Variants in CELA2B observed in about 807,000 individuals in gnomAD.
The protein encoded by CELA2B is chymotrypsin-like elastase family member 2B.
CELA2B carries 27 observed loss-of-function variants against 36.5 expected under a neutral mutation model. That is an observed-to-expected ratio of 0.74 (90% CI 0.55 to 1.02). The LOEUF is 1.02. Among genes scored for constraint, CELA2B ranks in the 50% least tolerant of loss-of-function variants. CELA2B has a pLI of 0.00. For missense variants in CELA2B, 340 were observed against 347.8 expected, an observed-to-expected ratio of 0.98 and a Z score of 0.18; for synonymous variants, 143 against 148.5, an observed-to-expected ratio of 0.96 and a Z score of 0.27.
rs1236313230 is a variant in CELA2B at position 15,481,114 on chromosome 1, G to C, written c.146G>C (p.Ser49Thr). Residue 49 changes from serine (S) to threonine (T), a missense_variant, in exon 3 of 8, where the codon AGC becomes ACC. Coordinates refer to ENST00000375910, the MANE Select transcript of CELA2B (RefSeq NM_015849.3). ...TCTCCCCAGGTCTCCCTGCAGTACAGCTCCAATGGCCAGTGGTACCACACC... is the reference window on the plus strand; with the variant it reads ...TCTCCCCAGGTCTCCCTGCAGTACACCTCCAATGGCCAGTGGTACCACACC... ...SWPWQVSLQY[S>T]SNGQWYHTCG... 5.0e-6 allele frequency: 8 copies of C among 1,612,758 alleles called. No individual in the cohort carries two copies. The highest frequency in any genetic ancestry group is 6.8e-6 in the Non-Finnish European group (8 of 1,180,012).
intron 7 of CELA2B, among the ~76,000 whole-genome samples, chr1:15,488,146 G>C (rs1317120500): frequency 1.3e-5 from 2 of 152,184 alleles, no homozygotes; most frequent in African/African-American, 4.8e-5. Context: ...CAGCACTTTG[G>C]GAGGCCAAGG....
At chr1:15,478,469 C>T (rs551334179) in intron 2 of CELA2B, among the ~76,000 whole-genome samples, 38 of 151,992 alleles carry the variant, frequency 2.5e-4, no homozygotes, top group African/African-American at 8.2e-4. Context: ...TCTCTAACTC[C>T]CGACCTCAGG....
intron 7 of CELA2B, 54 bp from the exon 8 acceptor site, chr1:15,491,241 C>CACAG: frequency 6.2e-7 from 1 of 1,612,436 alleles, no homozygotes; most frequent in Non-Finnish European, 8.5e-7. Context: ...AACTGCCACG[C>CACAG]ACAGCTCTGT....
In CELA2B at chr1:15,482,290, C is replaced by A. The variant is rs781312258; in HGVS notation, c.253C>A (p.Leu85Met). 1 of 1,614,038 alleles carries A rather than the reference C, an allele frequency of 6.2e-7. No individual in the cohort carries two copies. The highest frequency in any genetic ancestry group is 8.5e-7 in the Non-Finnish European group (1 of 1,179,940). ...ISSSGIYRVM[L>M]GQHNLYVAES... is the part of the protein sequence containing the mutation. ...CTCCTCCGGGATCTACCGCGTGATGCTGGGCCAGCATAACCTCTACGTTGC... is the reference window on the plus strand; with the variant it reads ...CTCCTCCGGGATCTACCGCGTGATGATGGGCCAGCATAACCTCTACGTTGC... The change falls in exon 4 of 8, where the codon CTG becomes ATG. Residue 85 changes from leucine (L) to methionine (M), a missense_variant. Leu to Met is a conservative substitution (Grantham distance 15). Coordinates refer to ENST00000375910, the MANE Select transcript of CELA2B (RefSeq NM_015849.3).
Position 15,476,109 on chromosome 1 carries a change from A to T in CELA2B, c.-17A>T, listed in dbSNP as rs1172444574. The T allele has an allele frequency of 6.2e-7, 1 of 1,612,032 alleles. No homozygotes were observed. Among genetic ancestry groups the T allele is most frequent in the East Asian group, 2.2e-5 (1 of 44,832 alleles). ...CCTTATCCAGGGCCACGCTTACAGAACTCCCACGGACACACCATGATTAGG... is the reference window on the plus strand; with the variant it reads ...CCTTATCCAGGGCCACGCTTACAGATCTCCCACGGACACACCATGATTAGG... On this transcript the variant is annotated 5_prime_UTR_variant, in exon 1 of 8. Coordinates refer to ENST00000375910, the MANE Select transcript of CELA2B (RefSeq NM_015849.3).
In CELA2B at chr1:15,491,346, G is replaced by A. The variant is rs754720464; in HGVS notation, c.*34G>A. On this transcript the variant is annotated 3_prime_UTR_variant, in exon 8 of 8. Coordinates refer to ENST00000375910, the MANE Select transcript of CELA2B (RefSeq NM_015849.3). ...AGTCCCTGGGACTGTTTCAGACTTG[G>A]AAAGGTCACAGAAGGAAAATAATAT... 1.9e-6 allele frequency: 3 copies of A among 1,613,536 alleles called. No individual in the cohort carries two copies. The highest frequency in any genetic ancestry group is 2.2e-5 in the South Asian group (2 of 91,086).
chr1:15,481,610 T>C (rs776249814), intron 3 of CELA2B: 13 of 479,646 alleles, frequency 2.7e-5, no homozygotes, highest in South Asian at 1.5e-4. Context: ...CTGGCACTTA[T>C]TAAGTGCTCA....
rs774035469 is a variant in CELA2B at position 15,482,313 on chromosome 1, T to C, written c.276T>C (p.Val92=). The change falls in exon 4 of 8, where the codon GTT becomes GTC. Residue 92 remains valine (V), a synonymous_variant. Coordinates refer to ENST00000375910, the MANE Select transcript of CELA2B (RefSeq NM_015849.3). ...RVMLGQHNLY[V]AESGSLAVSV... ...TGCTGGGCCAGCATAACCTCTACGT[T>C]GCAGAGTCCGGCTCGCTGGCCGTCA... 8.1e-6 allele frequency: 13 copies of C among 1,614,124 alleles called. No homozygotes were observed. The South Asian group carries it at 1.1e-4, about 14-fold the overall frequency.
chr1:15,476,262 A>C (rs2103310109), intron 1 of CELA2B, 97 bp downstream of exon 1: 1 of 1,544,318 alleles, frequency 6.5e-7, no homozygotes, highest in East Asian at 2.2e-5. Flanking sequence ...CCCAACCCCT[A>C]CTGCATTCAG....
intron 2 of CELA2B, among the ~76,000 whole-genome samples, chr1:15,478,647 C>T (rs1232974456): frequency 6.6e-6 from 1 of 151,010 alleles, no homozygotes; most frequent in Admixed American, 6.6e-5. Context: ...CTAACTGCAA[C>T]CTCAGCCTTT....
At position 15,483,429 on chromosome 1, in the gene CELA2B, T is replaced by C. The variant is rs571165671; in HGVS notation, c.493+29T>C. ...AGTGGGAGCCAGGAGCCCCCAGGCC[T>C]GGGAGGGAAGGGAGGTGATGTCACC... is the stretch of plus-strand genomic sequence containing the variant. On this transcript the variant is annotated intron_variant, in intron 5 of 7. Transcript: ENST00000375910. 9 of 1,613,212 alleles carry C rather than the reference T, an allele frequency of 5.6e-6. No individual in the cohort carries two copies. The African/African-American group carries it at 6.7e-5, about 12-fold the overall frequency.
intron 2 of CELA2B, among the ~76,000 whole-genome samples, chr1:15,477,498 C>T (rs553636942): frequency 2.6e-5 from 4 of 152,250 alleles, no homozygotes; most frequent in African/African-American, 9.6e-5. Context: ...ATGCTGTAAA[C>T]ATTTTATTTT....
In CELA2B at chr1:15,476,622, C is replaced by T. The variant is rs548200314; in HGVS notation, c.129+77C>T. 891 of 1,381,920 alleles carry T rather than the reference C, an allele frequency of 6.4e-4. No individual in the cohort carries two copies. Among genetic ancestry groups the T allele is most frequent in the Non-Finnish European group, 8.7e-4 (850 of 971,678 alleles). 85.6% of individuals were successfully genotyped at this position (1,381,920 alleles called of 1,614,324 possible). A position where few individuals can be genotyped will look rare whatever the true frequency, so the allele number is the denominator to read the frequency against. ...TCCCCCCTTTGCCCTTCCACCATGG[C>T]GTCTATTGTGCTGGCAAAGTTAGGA... On this transcript the variant is annotated intron_variant, in intron 2 of 7. Transcript: ENST00000375910.
intron 3 of CELA2B, 134 bp downstream of exon 3, chr1:15,481,329 T>C: frequency 9.4e-7 from 1 of 1,067,606 alleles, no homozygotes; most frequent in Non-Finnish European, 1.4e-6. Context: ...AGACACAAGC[T>C]GTAGTCAATC....
At chr1:15,479,686 C>T (rs1708717605) in intron 2 of CELA2B, among the ~76,000 whole-genome samples, 2 of 152,198 alleles carry the variant, frequency 1.3e-5, no homozygotes, top group African/African-American at 4.8e-5. Context: ...TGCATATGTA[C>T]ATGAGCGTGC....
chr1:15,477,178 C>T (rs72643677), intron 2 of CELA2B, among the ~76,000 whole-genome samples: 8,813 of 152,230 alleles, frequency 0.058, 489 homozygotes, highest in African/African-American at 0.14. Context: ...TTCAAGACTA[C>T]CTATGCAAAT....
intron 7 of CELA2B, among the ~76,000 whole-genome samples, chr1:15,488,693 G>A (rs1708835282): frequency 6.6e-6 from 1 of 152,222 alleles, no homozygotes; most frequent in African/African-American, 2.4e-5. Context: ...GGGGAAAGCT[G>A]ACATCTGACT....
intron 7 of CELA2B, among the ~76,000 whole-genome samples, chr1:15,488,230 T>TG (rs1201917437): frequency 1.3e-5 from 2 of 150,498 alleles, no homozygotes; most frequent in African/African-American, 4.9e-5. Context: ...TTACAAAGAT[T>TG]TTTTTTTTTA....
chr1:15,489,084 G>A (rs6429746), intron 7 of CELA2B, among the ~76,000 whole-genome samples: 48,072 of 152,128 alleles, frequency 0.32, 8,012 homozygotes, highest in East Asian at 0.58. Flanking sequence ...CTGACTGGAC[G>A]AAAGGCTGCT....
Sources: allele counts gnomAD v4.1 joint callset (sites outside exome capture counted in the v4.1 genomes callset), GRCh38; gene constraint gnomAD v4.1.1; transcripts MANE v1.5; gene names NCBI Gene and HGNC (gene_info 2026-07-23, HGNC 2026-07-21).